ZNF521: variants seen among roughly 807,000 people sequenced by gnomAD.
The protein encoded by ZNF521 is zinc finger protein 521.
ZNF521 carries 14 observed loss-of-function variants against 105.5 expected under a neutral mutation model. The observed-to-expected ratio is 0.13, with a 90% CI of 0.09 to 0.21. The LOEUF (loss-of-function observed/expected upper bound fraction) is 0.21, where lower values mean the gene tolerates loss of function less well. Ranked by LOEUF, ZNF521 falls within the 10% of genes least tolerant of loss-of-function variation. The probability of loss-of-function intolerance (pLI) is 1.00; values close to 1 mark genes in which losing one functional copy is unlikely to be tolerated. For synonymous variants in ZNF521, 635 were observed against 606.0 expected (o/e 1.05, Z -0.70); for missense variants, 1,233 against 1,629.7 (o/e 0.76, Z 4.19).
In ZNF521 at chr18:25,225,096, GAGA is replaced by G. The variant is rs775670595; in HGVS notation, c.2819_2821del (p.Phe940del). ...CATATGTTCCCGGAGGCCATTTTCG[GAGA>G]AGAAGGTTCGAGAGCACACGTTGCA... On this transcript the variant is annotated inframe_deletion, in exon 4 of 8. Transcript: ENST00000361524. The surrounding 1 kb of genome is among the most constrained non-coding windows in gnomAD (Gnocchi z 5.6). 2 of 1,614,180 alleles carry G rather than the reference GAGA, an allele frequency of 1.2e-6. No individual in the cohort carries two copies. The highest frequency in any genetic ancestry group is 1.3e-5 in the African/African-American group (1 of 75,060).
intron 3 of ZNF521, among the ~76,000 whole-genome samples, chr18:25,278,608 CA>C (rs1218160350): frequency 6.6e-6 from 1 of 152,218 alleles, no homozygotes; most frequent in Non-Finnish European, 1.5e-5. Flanking sequence ...TAGCATATGG[CA>C]AGAATCCAAG....
intron 4 of ZNF521, chr18:25,202,371 T>C (rs1056442676): frequency 1.3e-5 from 2 of 152,182 alleles, no homozygotes; most frequent in African/African-American, 4.8e-5. Context: ...TTATATTCAG[T>C]ATCACAAGTA....
chr18:25,070,163 T>G (rs897698894), intron 7 of ZNF521, among the ~76,000 whole-genome samples: 15 of 152,212 alleles, frequency 9.9e-5, no homozygotes, highest in Non-Finnish European at 7.3e-5. Flanking sequence ...GTTTGTCCCC[T>G]TGTAGGAACA....
chr18:25,226,829 G>A lies in ZNF521; in HGVS notation c.1089C>T (p.Leu363=). 2 of 1,614,068 alleles carry A rather than the reference G, an allele frequency of 1.2e-6. No homozygotes were observed. The highest frequency in any genetic ancestry group is 1.7e-6 in the Non-Finnish European group (2 of 1,179,992). Residue 363 remains leucine, a synonymous_variant, in exon 4 of 8, where the codon CTC becomes CTT. Transcript: ENST00000361524. The surrounding 1 kb of genome is among the most constrained non-coding windows in gnomAD (Gnocchi z 4.1). ...SVSSTTPDSN[L]SVDSSTMVEA... ...CCACCATGGTTGAGCTGTCCACTGA[G>A]AGGTTGGAATCTGGAGTCGTACTGG...
At position 25,147,910 on chromosome 18, in the gene ZNF521, A is replaced by T. The variant is rs75589040; in HGVS notation, c.3658+47250T>A. On this transcript the variant is annotated intron_variant, in intron 5 of 7. Coordinates refer to ENST00000361524, the MANE Select transcript of ZNF521 (RefSeq NM_015461.3). ...CAAAAGGCAGCCGTACCCTGTCCTG[A>T]CCGAACACCATGCCTGGCTCTACCT... 4.6e-3 allele frequency among the ~76,000 whole-genome samples: 703 copies of T among 152,298 alleles called. 7 individuals carry two copies. Among genetic ancestry groups the T allele is most frequent in the African/African-American group, 0.016 (654 of 41,582 alleles).
At chr18:25,332,347 CAAA>C (rs33971407) in intron 2 of ZNF521, among the ~76,000 whole-genome samples, 50 of 127,840 alleles carry the variant, frequency 3.9e-4, no homozygotes, top group African/African-American at 4.4e-4. Context: ...AAGATCACAG[CAAA>C]AAAAAAAAAA....
intron 5 of ZNF521, among the ~76,000 whole-genome samples, chr18:25,176,861 G>A (rs560175188): frequency 8.5e-5 from 13 of 152,314 alleles, no homozygotes; most frequent in South Asian, 2.1e-4. Context: ...ACACGTGCGC[G>A]TGCACGCACA....
intron 3 of ZNF521, among the ~76,000 whole-genome samples, chr18:25,254,449 A>G (rs1423684878): frequency 6.6e-6 from 1 of 152,130 alleles, no homozygotes; most frequent in Non-Finnish European, 1.5e-5. Flanking sequence ...TTTGATTTTA[A>G]ATCAAATTCT....
intron 7 of ZNF521, among the ~76,000 whole-genome samples, chr18:25,069,294 T>C (rs989057280): frequency 3.9e-5 from 6 of 152,148 alleles, no homozygotes; most frequent in African/African-American, 9.7e-5. Flanking sequence ...TTATTTCCCC[T>C]GAACGTTAAG....
intron 5 of ZNF521, among the ~76,000 whole-genome samples, chr18:25,152,498 AAAAG>A (rs1479619844): frequency 6.6e-6 from 1 of 151,968 alleles, no homozygotes; most frequent in Admixed American, 6.6e-5. Flanking sequence ...AAAGAAAAAA[AAAAG>A]AAAGAAAAGA....
At chr18:25,135,996 C>T (rs1266133860) in intron 5 of ZNF521, among the ~76,000 whole-genome samples, 3 of 152,034 alleles carry the variant, frequency 2.0e-5, no homozygotes, top group Non-Finnish European at 4.4e-5. Context: ...TACATTATTG[C>T]TACTCAACAA....
At chr18:25,256,067 A>G (rs576031424) in intron 3 of ZNF521, among the ~76,000 whole-genome samples, 54 of 149,566 alleles carry the variant, frequency 3.6e-4, no homozygotes, top group African/African-American at 1.3e-3. Flanking sequence ...AAAATGGGAT[A>G]TTATTTATCA....
chr18:25,218,468 G>C (rs1905477105), intron 4 of ZNF521, among the ~76,000 whole-genome samples: 1 of 125,166 alleles, frequency 8.0e-6, no homozygotes, highest in Non-Finnish European at 1.6e-5. Flanking sequence ...AACATAATGA[G>C]ACCTCGAGCC....
chr18:25,251,736 C>T (rs1353168345), intron 3 of ZNF521, among the ~76,000 whole-genome samples: 1 of 152,180 alleles, frequency 6.6e-6, no homozygotes, highest in Non-Finnish European at 1.5e-5. Context: ...CAACATAAAG[C>T]TCTAATTAAA....
chr18:25,150,800 T>C (rs2035031565), intron 5 of ZNF521, among the ~76,000 whole-genome samples: 2 of 152,030 alleles, frequency 1.3e-5, no homozygotes, highest in African/African-American at 4.8e-5. Flanking sequence ...CACCTCTAAA[T>C]CTCTTGGGCT....
intron 3 of ZNF521, among the ~76,000 whole-genome samples, chr18:25,301,687 T>C (rs1214316137): frequency 6.6e-6 from 1 of 152,142 alleles, no homozygotes; most frequent in Admixed American, 6.5e-5. Flanking sequence ...ATTACCAGGC[T>C]TTTTCTCTTA....
intron 3 of ZNF521, among the ~76,000 whole-genome samples, chr18:25,261,074 T>C (rs1908875309): frequency 6.6e-6 from 1 of 152,122 alleles, no homozygotes; most frequent in Non-Finnish European, 1.5e-5. Flanking sequence ...TACAGTGAGG[T>C]GGTTAAAGTA....
At chr18:25,253,915 CAT>C (rs1427780826) in intron 3 of ZNF521, among the ~76,000 whole-genome samples, 3 of 152,240 alleles carry the variant, frequency 2.0e-5, no homozygotes, top group Admixed American at 2.0e-4. Flanking sequence ...AATTTTTACA[CAT>C]GATATGAACT....
chr18:25,190,780 C>T (rs1262645301), intron 5 of ZNF521, among the ~76,000 whole-genome samples: 1 of 152,226 alleles, frequency 6.6e-6, no homozygotes, highest in African/African-American at 2.4e-5. Context: ...AACGGATTTA[C>T]TCATTCTTTA....
Sources: allele counts gnomAD v4.1 joint callset (sites outside exome capture counted in the v4.1 genomes callset), GRCh38; gene constraint gnomAD v4.1.1; non-coding constraint Gnocchi (gnomAD v3.1); transcripts MANE v1.5; gene names NCBI Gene and HGNC (gene_info 2026-07-23, HGNC 2026-07-21).